Variants in CDH12 observed in about 807,000 individuals in gnomAD.
CDH12 encodes cadherin 12.
A neutral mutation model predicts 74.1 loss-of-function variants in CDH12; 41 were observed. The ratio of observed to expected loss-of-function variants is 0.55; its 90% confidence interval spans 0.43 to 0.72. CDH12 has a LOEUF of 0.72. Ranked by LOEUF, CDH12 falls within the 30% of genes least tolerant of loss-of-function variation. The probability of loss-of-function intolerance (pLI) is 0.00; values close to 1 mark genes in which losing one functional copy is unlikely to be tolerated. For missense variants in CDH12, 945 were observed against 977.2 expected (o/e 0.97, Z 0.44); for synonymous variants, 399 against 355.0 (o/e 1.12, Z -1.39).
intron 1 of CDH12, among the ~76,000 whole-genome samples, chr5:22,792,387 C>G (rs745368306): frequency 3.9e-5 from 6 of 152,144 alleles, no homozygotes; most frequent in Admixed American, 6.5e-5. Context: ...CCACGCCCGG[C>G]CTGAGCTCCC....
At position 22,755,626 on chromosome 5, in the gene CDH12, C is replaced by T. The variant is rs182803277; in HGVS notation, c.-523+97432G>A. 1.1e-4 allele frequency among the ~76,000 whole-genome samples: 16 copies of T among 152,048 alleles called. No individual in the cohort carries two copies. In the East Asian group the frequency reaches 1.4e-3, roughly 13 times the overall value. On this transcript the variant is annotated intron_variant, in intron 1 of 14. Coordinates refer to ENST00000382254, the MANE Select transcript of CDH12 (RefSeq NM_004061.5). Reference sequence around the variant, plus strand: ...CACAATTGCTTTTGTTAGAAAAAAACGATTTACTTAAGGACAATGTTGACA... The same window carrying T: ...CACAATTGCTTTTGTTAGAAAAAAATGATTTACTTAAGGACAATGTTGACA...
intron 3 of CDH12, among the ~76,000 whole-genome samples, chr5:22,328,563 C>T (rs1739218653): frequency 6.6e-6 from 1 of 152,116 alleles, no homozygotes; most frequent in Non-Finnish European, 1.5e-5. Context: ...TATTTTTAAA[C>T]ACTAGGTGAG....
chr5:22,431,089 A>G (rs1744152957), intron 2 of CDH12, among the ~76,000 whole-genome samples: 1 of 152,182 alleles, frequency 6.6e-6, no homozygotes, highest in African/African-American at 2.4e-5. Flanking sequence ...TGAGTTACGG[A>G]TTACAAAAAT....
intron 2 of CDH12, among the ~76,000 whole-genome samples, chr5:22,458,905 G>T (rs1561420180): frequency 6.6e-6 from 1 of 151,816 alleles, no homozygotes; most frequent in Non-Finnish European, 1.5e-5. Context: ...TTTGTTTTGG[G>T]TTTTTTCTTT....
At chr5:22,403,445 ATTATGGACTG>A (rs1742813638) in intron 3 of CDH12, among the ~76,000 whole-genome samples, 2 of 152,208 alleles carry the variant, frequency 1.3e-5, no homozygotes, top group Non-Finnish European at 2.9e-5. Flanking sequence ...TCAAAATGTA[ATTATGGACTG>A]AAGAGACAAT....
intron 5 of CDH12, among the ~76,000 whole-genome samples, chr5:22,019,218 C>T (rs1456403018): frequency 6.6e-6 from 1 of 152,124 alleles, no homozygotes; most frequent in Non-Finnish European, 1.5e-5. Flanking sequence ...GAAAAAGCTG[C>T]AACTAAGACA....
At chr5:21,764,524 CTATA>C (rs1329043327) in intron 12 of CDH12, among the ~76,000 whole-genome samples, 1 of 151,514 alleles carries the variant, frequency 6.6e-6, no homozygotes, top group Non-Finnish European at 1.5e-5. Context: ...TGGCGCATGC[CTATA>C]ATCCCAGCTA....
intron 6 of CDH12, among the ~76,000 whole-genome samples, chr5:21,930,143 G>T (rs1212404962): frequency 1.3e-5 from 2 of 152,162 alleles, no homozygotes; most frequent in African/African-American, 4.8e-5. Context: ...ATGAGTGAAG[G>T]ATGGACAAAG....
At chr5:22,465,144 A>G (rs1308583657) in intron 2 of CDH12, among the ~76,000 whole-genome samples, 1 of 152,140 alleles carries the variant, frequency 6.6e-6, no homozygotes, top group South Asian at 2.1e-4. Context: ...TCTAAATTCA[A>G]TACTGACTTC....
chr5:22,232,125 A>C (rs1312798225), intron 3 of CDH12, among the ~76,000 whole-genome samples: 1 of 151,776 alleles, frequency 6.6e-6, no homozygotes, highest in African/African-American at 2.4e-5. Flanking sequence ...AGTTTCTATT[A>C]AATAACTAAA....
intron 4 of CDH12, among the ~76,000 whole-genome samples, chr5:22,198,821 C>A (rs540606498): frequency 6.0e-4 from 92 of 152,176 alleles, no homozygotes; most frequent in Middle Eastern, 6.8e-3. Flanking sequence ...CAAGCAGAAT[C>A]ACCCTCTTTA....
At chr5:22,643,282 T>C (rs1739246289) in intron 1 of CDH12, among the ~76,000 whole-genome samples, 1 of 152,190 alleles carries the variant, frequency 6.6e-6, no homozygotes, top group Non-Finnish European at 1.5e-5. Flanking sequence ...TTCACATTAA[T>C]GTCGACTTAC....
At chr5:21,935,306 T>C (rs1197563097) in intron 6 of CDH12, among the ~76,000 whole-genome samples, 1 of 152,158 alleles carries the variant, frequency 6.6e-6, no homozygotes, top group Non-Finnish European at 1.5e-5. Flanking sequence ...TTATTAAAAA[T>C]ATTTATTCAG....
intron 3 of CDH12, among the ~76,000 whole-genome samples, chr5:22,253,684 C>G (rs577056817): frequency 6.6e-6 from 1 of 151,892 alleles, no homozygotes; most frequent in Admixed American, 6.6e-5. Context: ...TCCAAATACT[C>G]TCTTCCTCTT....
intron 3 of CDH12, among the ~76,000 whole-genome samples, chr5:22,327,228 A>G (rs1279152024): frequency 2.0e-5 from 3 of 152,174 alleles, no homozygotes; most frequent in Non-Finnish European, 2.9e-5. Context: ...AAAGGTCAAC[A>G]TGTAATGTCT....
chr5:22,090,655 A>G (rs1743364867), intron 4 of CDH12, among the ~76,000 whole-genome samples: 1 of 151,498 alleles, frequency 6.6e-6, no homozygotes, highest in African/African-American at 2.4e-5. Flanking sequence ...ATCCCTTATG[A>G]ATATAAATGT....
chr5:21,800,020 G>A (rs544636010), intron 10 of CDH12, among the ~76,000 whole-genome samples: 1 of 152,238 alleles, frequency 6.6e-6, no homozygotes, highest in South Asian at 2.1e-4. Context: ...AAGGTTTAAT[G>A]GAGTTTCCCC....
intron 7 of CDH12, among the ~76,000 whole-genome samples, chr5:21,848,141 G>A (rs1750276748): frequency 6.6e-6 from 1 of 152,078 alleles, no homozygotes; most frequent in African/African-American, 2.4e-5. Flanking sequence ...TACTCATGAT[G>A]TAATTTTGAA....
chr5:22,627,581 A>G (rs1478145406), intron 1 of CDH12, among the ~76,000 whole-genome samples: 1 of 152,194 alleles, frequency 6.6e-6, no homozygotes, highest in Non-Finnish European at 1.5e-5. Context: ...GAGGTCCTTA[A>G]GGGTGTGCAA....
Sources: gnomAD v4.1 joint callset for allele counts (sites outside exome capture counted in the v4.1 genomes callset) on GRCh38, gnomAD v4.1.1 for gene constraint, MANE v1.5 for transcripts, NCBI Gene and HGNC (gene_info 2026-07-23, HGNC 2026-07-21) for gene names.